Variants in TMEM116 observed in about 807,000 individuals in gnomAD.
TMEM116 encodes transmembrane protein 116.
Under a neutral mutation model 44.3 loss-of-function variants are expected in TMEM116, and 38 were observed. The observed-to-expected ratio is 0.86, with a 90% CI of 0.66 to 1.12. TMEM116 has a LOEUF of 1.12. Among genes scored for constraint, TMEM116 ranks in the 50% most tolerant of loss-of-function variants. TMEM116 has a pLI of 0.00. For synonymous variants in TMEM116, 132 were observed against 144.8 expected, an observed-to-expected ratio of 0.91 and a Z score of 0.64; for missense variants, 354 against 401.7, an observed-to-expected ratio of 0.88 and a Z score of 1.01.
At chr12:111,978,376 G>A (rs943442234) in intron 4 of TMEM116, among the ~76,000 whole-genome samples, 2 of 150,432 alleles carry the variant, frequency 1.3e-5, no homozygotes, top group South Asian at 2.1e-4. Context: ...ACTTCTGGGC[G>A]ACAGAGTGAG....
At chr12:111,966,193 C>T (rs7977048) in intron 4 of TMEM116, among the ~76,000 whole-genome samples, 2,325 of 151,802 alleles carry the variant, frequency 0.015, 69 homozygotes, top group African/African-American at 0.053. Flanking sequence ...GCAATCCCAG[C>T]TACTTGGGAG....
intron 5 of TMEM116, among the ~76,000 whole-genome samples, chr12:111,939,106 G>GT (rs1289285195): frequency 6.6e-6 from 1 of 152,086 alleles, no homozygotes; most frequent in Admixed American, 6.5e-5. Flanking sequence ...CTGTCAGGTG[G>GT]TTATCCAGTG....
At chr12:111,994,330 G>A (rs1048547584) in intron 3 of TMEM116, among the ~76,000 whole-genome samples, 10 of 151,974 alleles carry the variant, frequency 6.6e-5, no homozygotes, top group South Asian at 2.1e-4. Context: ...AAGACTTATC[G>A]TGGGATCTGG....
chr12:111,962,938 C>T (rs935598007), intron 4 of TMEM116, among the ~76,000 whole-genome samples: 5 of 151,990 alleles, frequency 3.3e-5, no homozygotes, highest in Non-Finnish European at 5.9e-5. Flanking sequence ...CTAATATCCA[C>T]GATCTACAAA....
chr12:112,011,994 G>T (rs1223946857), intron 1 of TMEM116: 1 of 152,150 alleles, frequency 6.6e-6, no homozygotes, highest in East Asian at 1.9e-4. Context: ...CTTTAGCTTG[G>T]TGAGACCCTT....
At chr12:112,002,826 T>C (rs1283340993) in intron 3 of TMEM116, among the ~76,000 whole-genome samples, 1 of 152,180 alleles carries the variant, frequency 6.6e-6, no homozygotes, top group African/African-American at 2.4e-5. Flanking sequence ...CCAATGGCAT[T>C]TTCCACATAT....
At chr12:111,986,414 C>A (rs1047924945) in intron 4 of TMEM116, among the ~76,000 whole-genome samples, 1 of 151,916 alleles carries the variant, frequency 6.6e-6, no homozygotes, top group African/African-American at 2.4e-5. Context: ...TTCATATAGA[C>A]CGAATGGATC....
At chr12:112,010,084 T>C (rs1009761652) in intron 1 of TMEM116, among the ~76,000 whole-genome samples, 5 of 152,220 alleles carry the variant, frequency 3.3e-5, no homozygotes, top group African/African-American at 1.2e-4. Flanking sequence ...AAAACTGTTT[T>C]ACTATCTCCT....
chr12:111,954,485 C>T (rs1157067738), intron 4 of TMEM116, among the ~76,000 whole-genome samples: 1 of 152,198 alleles, frequency 6.6e-6, no homozygotes, highest in African/African-American at 2.4e-5. Context: ...ATCAAGGGCA[C>T]TTTACATTTG....
At chr12:111,936,621 G>C in intron 8 of TMEM116, 71 bp downstream of exon 8, 1 of 1,548,720 alleles carries the variant, frequency 6.5e-7, no homozygotes, top group Non-Finnish European at 8.7e-7. Flanking sequence ...TCTTTCCCAG[G>C]TCCTGGGAAT....
rs1410121020 is a variant in TMEM116, at chr12:111,943,280, C to G, written c.300G>C (p.Gln100His). ...ELRMKHTQSG[Q>H]STSPLVIDYT... The stretch of plus-strand genomic sequence containing the variant: ...TAAAACTTACCAGTGGAGATGTGCT[C>G]TGTCCACTCTGGGTGTGTTTCATCC... The change falls in exon 5 of 11, where the codon CAG becomes CAC. Residue 100 changes from glutamine (Q) to histidine (H), a missense_variant. Coordinates refer to ENST00000552374, the MANE Select transcript of TMEM116 (RefSeq NM_001193531.2). The G allele has an allele frequency of 1.2e-6, 2 of 1,613,038 alleles. No individual in the cohort carries two copies. Among genetic ancestry groups the G allele is most frequent in the African/African-American group, 2.7e-5 (2 of 74,888 alleles).
intron 4 of TMEM116, among the ~76,000 whole-genome samples, chr12:111,980,799 C>A (rs913522339): frequency 6.6e-6 from 1 of 152,036 alleles, no homozygotes; most frequent in African/African-American, 2.4e-5. Context: ...ATCAGCCTGG[C>A]GCAGTGGCTC....
chr12:111,963,284 A>G (rs780438379), intron 4 of TMEM116, among the ~76,000 whole-genome samples: 2 of 152,204 alleles, frequency 1.3e-5, no homozygotes, highest in African/African-American at 2.4e-5. Flanking sequence ...AAGGACCTAG[A>G]ACCAGAAATA....
intron 2 of TMEM116, among the ~76,000 whole-genome samples, chr12:112,004,721 C>T (rs1024640626): frequency 1.3e-5 from 2 of 151,824 alleles, no homozygotes; most frequent in Non-Finnish European, 2.9e-5. Flanking sequence ...AATGCAGTGG[C>T]ACAATCACAG....
intron 1 of TMEM116, among the ~76,000 whole-genome samples, chr12:112,006,289 C>T (rs1433176707): frequency 6.6e-6 from 1 of 151,558 alleles, no homozygotes; most frequent in Non-Finnish European, 1.5e-5. Flanking sequence ...ACAGAAGGGG[C>T]AGGATTGAGA....
rs1352567326 is a variant in TMEM116, at chr12:111,968,773, A to C, written c.210+22985T>G. 2.6e-5 allele frequency among the ~76,000 whole-genome samples: 4 copies of C among 151,798 alleles called. No individual in the cohort carries two copies. The East Asian group carries it at 7.8e-4, about 30-fold the overall frequency. On this transcript the variant is annotated intron_variant, in intron 4 of 10. Transcript: ENST00000552374. ...TTTGGGAGGCTGAGGCAGGTGGATCACCTGAGGTCAGGAGTTCTAGACTAG... is the reference window on the plus strand; with the variant it reads ...TTTGGGAGGCTGAGGCAGGTGGATCCCCTGAGGTCAGGAGTTCTAGACTAG...
rs959310546 is a variant in TMEM116, at chr12:111,997,766, T to C, written c.79-5877A>G. The stretch of plus-strand genomic sequence containing the variant: ...ATATCTTGTTAATAGGGTTAGATGG[T>C]CAAGTTGCCTTGGCTAACAGAAACA... On this transcript the variant is annotated intron_variant, in intron 3 of 10. Coordinates refer to ENST00000552374, the MANE Select transcript of TMEM116 (RefSeq NM_001193531.2). Among the ~76,000 whole-genome samples, 10 of 152,292 alleles carry C rather than the reference T, an allele frequency of 6.6e-5. No individual in the cohort carries two copies. The East Asian group carries it at 7.7e-4, about 12-fold the overall frequency.
chr12:111,934,230 A>G, intron 8 of TMEM116, 200 bp from the exon 9 acceptor site: 1 of 576,164 alleles, frequency 1.7e-6, no homozygotes, highest in Non-Finnish European at 2.9e-6. Flanking sequence ...AGGCTAGGGA[A>G]ATGGACAGGT....
chr12:112,000,944 G>C, intron 3 of TMEM116: 3 of 389,016 alleles, frequency 7.7e-6, no homozygotes, highest in South Asian at 5.8e-5. Flanking sequence ...CACTGACACA[G>C]AGCAGGGCTG....
Sources: allele counts gnomAD v4.1 joint callset (sites outside exome capture counted in the v4.1 genomes callset), GRCh38; gene constraint gnomAD v4.1.1; transcripts MANE v1.5; gene names NCBI Gene and HGNC (gene_info 2026-07-23, HGNC 2026-07-21).